LRMDA: variants seen among roughly 807,000 people sequenced by gnomAD.
LRMDA encodes leucine rich melanocyte differentiation associated.
In LRMDA, 18 loss-of-function variants were observed where a neutral mutation model predicts 29.8. That is an observed-to-expected ratio of 0.60 (90% confidence interval 0.42 to 0.90). LRMDA has a LOEUF of 0.90. LRMDA is among the 40% of genes least tolerant of loss of function. LRMDA has a pLI of 0.00. For synonymous variants in LRMDA, 125 were observed against 109.4 expected (o/e 1.14, Z -0.89); for missense variants, 273 against 273.9 (o/e 1.00, Z 0.02).
chr10:75,939,318 T>C (rs755850158), intron 2 of LRMDA, among the ~76,000 whole-genome samples: 10 of 152,148 alleles, frequency 6.6e-5, no homozygotes, highest in Non-Finnish European at 1.2e-4. Context: ...CACCCCATAT[T>C]TGGGGACACA....
intron 2 of LRMDA, among the ~76,000 whole-genome samples, chr10:75,624,923 TG>T (rs1841232917): frequency 6.6e-6 from 1 of 152,180 alleles, no homozygotes. Context: ...AGGAGACTTG[TG>T]GGCCATGAAA....
intron 2 of LRMDA, among the ~76,000 whole-genome samples, chr10:75,521,120 C>A (rs1845351421): frequency 6.6e-6 from 1 of 152,220 alleles, no homozygotes; most frequent in African/African-American, 2.4e-5. Context: ...TGTCTGTCGG[C>A]CCCTACTGGG....
intron 6 of LRMDA, among the ~76,000 whole-genome samples, chr10:76,390,385 G>C (rs2132482753): frequency 6.6e-6 from 1 of 152,248 alleles, no homozygotes; most frequent in East Asian, 1.9e-4. Flanking sequence ...AGATCAGGTA[G>C]GAAGTTGCAC....
chr10:75,517,059 C>A (rs974100917), intron 2 of LRMDA, among the ~76,000 whole-genome samples: 1 of 152,104 alleles, frequency 6.6e-6, no homozygotes, highest in Admixed American at 6.5e-5. Context: ...ATTGATCTAT[C>A]TCTCTGTTTT....
chr10:75,715,504 A>C (rs1363569121), intron 2 of LRMDA, among the ~76,000 whole-genome samples: 1 of 152,152 alleles, frequency 6.6e-6, no homozygotes, highest in Non-Finnish European at 1.5e-5. Context: ...ATCATTCTAT[A>C]ATCTTACTTT....
intron 2 of LRMDA, among the ~76,000 whole-genome samples, chr10:75,885,349 C>T (rs550958634): frequency 5.9e-5 from 9 of 152,324 alleles, no homozygotes; most frequent in Admixed American, 5.9e-4. Flanking sequence ...GGATGTGATC[C>T]TCATCAGATA....
At chr10:75,862,012 G>A (rs891644240) in intron 2 of LRMDA, among the ~76,000 whole-genome samples, 21 of 152,160 alleles carry the variant, frequency 1.4e-4, no homozygotes, top group Middle Eastern at 6.8e-3. Flanking sequence ...CATCTTGGAC[G>A]TTCCAATTCA....
At chr10:75,612,667 T>TA (rs1480707271) in intron 2 of LRMDA, among the ~76,000 whole-genome samples, 1 of 148,542 alleles carries the variant, frequency 6.7e-6, no homozygotes, top group Non-Finnish European at 1.5e-5. Context: ...TATAAATATA[T>TA]AAAAATATAT....
chr10:75,556,737 T>C (rs914076511), intron 2 of LRMDA, among the ~76,000 whole-genome samples: 1 of 146,128 alleles, frequency 6.8e-6, no homozygotes, highest in Non-Finnish European at 1.5e-5. Context: ...AACAGACCCA[T>C]GTGGTTGCAT....
intron 6 of LRMDA, among the ~76,000 whole-genome samples, chr10:76,448,102 T>C (rs978344219): frequency 3.3e-5 from 5 of 152,182 alleles, no homozygotes; most frequent in Non-Finnish European, 7.4e-5. Context: ...TTGAAAAGCA[T>C]ATAGAAAATA....
intron 5 of LRMDA, among the ~76,000 whole-genome samples, chr10:76,278,088 G>C (rs1038258909): frequency 3.9e-5 from 6 of 152,138 alleles, no homozygotes; most frequent in Admixed American, 1.3e-4. Flanking sequence ...CTTCTTTCTA[G>C]ATTTGGATGC....
intron 2 of LRMDA, among the ~76,000 whole-genome samples, chr10:76,024,383 G>A (rs1157686770): frequency 6.6e-6 from 1 of 152,186 alleles, no homozygotes; most frequent in African/African-American, 2.4e-5. Flanking sequence ...AGAGGATCTG[G>A]AAAGCAAAGC....
At chr10:76,194,331 C>T (rs555986761) in intron 5 of LRMDA, among the ~76,000 whole-genome samples, 15 of 152,150 alleles carry the variant, frequency 9.9e-5, no homozygotes, top group African/African-American at 3.6e-4. Context: ...ATCTGAGGCT[C>T]CTAACACTTC....
intron 5 of LRMDA, among the ~76,000 whole-genome samples, chr10:76,062,887 C>A (rs1438505245): frequency 1.3e-5 from 2 of 152,138 alleles, no homozygotes; most frequent in Non-Finnish European, 2.9e-5. Context: ...TGTGAAGCCC[C>A]TCACTGCACT....
rs1168938778 is a variant in LRMDA at position 76,558,768 on chromosome 10, A to C, written c.*1480A>C. On this transcript the variant is annotated 3_prime_UTR_variant, in exon 7 of 7. Coordinates refer to ENST00000611255, the MANE Select transcript of LRMDA (RefSeq NM_001305581.2). ...ACTTTCTCAGCTCTAGCCCGTTTAC[A>C]TAGCCTCTGGCCCACTGAGTCAACA... 6.6e-6 allele frequency: 1 copy of C among 152,150 alleles called. No individual in the cohort carries two copies. Among genetic ancestry groups the C allele is most frequent in the South Asian group, 2.1e-4 (1 of 4,830 alleles). 9.4% of individuals were successfully genotyped at this position (152,150 alleles called of 1,614,324 possible).
At chr10:75,873,660 CTG>C (rs1845149304) in intron 2 of LRMDA, among the ~76,000 whole-genome samples, 1 of 152,136 alleles carries the variant, frequency 6.6e-6, no homozygotes, top group Non-Finnish European at 1.5e-5. Context: ...CATTTATACT[CTG>C]TATATGAAGA....
intron 2 of LRMDA, among the ~76,000 whole-genome samples, chr10:76,030,084 G>T (rs550140933): frequency 6.6e-6 from 1 of 152,106 alleles, no homozygotes; most frequent in Non-Finnish European, 1.5e-5. Flanking sequence ...TAGAAATGGC[G>T]TCTTACTATG....
At chr10:75,827,659 G>A (rs1844270624) in intron 2 of LRMDA, among the ~76,000 whole-genome samples, 1 of 152,204 alleles carries the variant, frequency 6.6e-6, no homozygotes, top group African/African-American at 2.4e-5. Flanking sequence ...AACATATTCA[G>A]ATTTGTGCCA....
intron 6 of LRMDA, among the ~76,000 whole-genome samples, chr10:76,382,744 C>T (rs554991417): frequency 3.8e-4 from 58 of 152,270 alleles, no homozygotes; most frequent in African/African-American, 1.3e-3. Flanking sequence ...CAGCTTTGTC[C>T]CCTGGGGACA....
Sources: allele counts gnomAD v4.1 joint callset (sites outside exome capture counted in the v4.1 genomes callset), GRCh38; gene constraint gnomAD v4.1.1; transcripts MANE v1.5; gene names NCBI Gene and HGNC (gene_info 2026-07-23, HGNC 2026-07-21).